Variants in SEPTIN11 observed in about 807,000 individuals in gnomAD.
The protein encoded by SEPTIN11 is septin 11, also known as septin-11.
A neutral mutation model predicts 51.4 loss-of-function variants in SEPTIN11; 25 were observed. The observed-to-expected ratio is 0.49, with a 90% CI of 0.35 to 0.68. The LOEUF is 0.68. Among genes scored for constraint, SEPTIN11 ranks in the 30% least tolerant of loss-of-function variants. The pLI is 0.00. For synonymous variants in SEPTIN11, 174 were observed against 184.1 expected, an observed-to-expected ratio of 0.95 and a Z score of 0.44; for missense variants, 381 against 520.8, an observed-to-expected ratio of 0.73 and a Z score of 2.61.
At chr4:76,998,891 G>T (rs575920353) in intron 2 of SEPTIN11, among the ~76,000 whole-genome samples, 4 of 152,208 alleles carry the variant, frequency 2.6e-5, no homozygotes, top group African/African-American at 9.6e-5. Context: ...GCTCAGCCTG[G>T]GGGGAAGATG....
chr4:77,038,968 C>G, downstream of SEPTIN11: 1 of 733,460 alleles, frequency 1.4e-6, no homozygotes. Flanking sequence ...CATTAACTGA[C>G]ACACTGCTGT....
At position 76,975,646 on chromosome 4, in the gene SEPTIN11, C is replaced by T. The variant is rs550651039; in HGVS notation, c.28-20779C>T. The stretch of plus-strand genomic sequence containing the variant: ...TTCATTCACTCTGATGCAGCGTATT[C>T]TTTTGGTTGAAGTACCTGAAGATCC... On this transcript the variant is annotated intron_variant, in intron 1 of 9. Coordinates refer to ENST00000264893, the MANE Select transcript of SEPTIN11 (RefSeq NM_018243.4). Among the ~76,000 whole-genome samples the T allele has an allele frequency of 1.6e-4, 25 of 152,242 alleles. No individual in the cohort carries two copies. The Middle Eastern group carries it at 0.01, about 62-fold the overall frequency.
At chr4:77,005,864 T>C in intron 3 of SEPTIN11, 68 bp downstream of exon 3, 1 of 1,437,352 alleles carries the variant, frequency 7.0e-7, no homozygotes, top group Non-Finnish European at 9.5e-7. Context: ...CAGGTAAATT[T>C]AAAGGCCAAA....
chr4:76,969,808 A>G (rs1308814273), intron 1 of SEPTIN11, among the ~76,000 whole-genome samples: 1 of 152,214 alleles, frequency 6.6e-6, no homozygotes, highest in Non-Finnish European at 1.5e-5. Flanking sequence ...TGACATTTCT[A>G]GCCCTTTTCT....
rs576305904 is a variant in SEPTIN11 at position 77,012,297 on chromosome 4, C to T, written c.525+376C>T. On this transcript the variant is annotated intron_variant, in intron 4 of 9. Coordinates refer to ENST00000264893, the MANE Select transcript of SEPTIN11 (RefSeq NM_018243.4). Reference sequence around the variant, plus strand: ...GGAATAAAAGGTTAAATTTTTGTCTCTGTGATGATAATGGTCCAGCTTCTT... The same window carrying T: ...GGAATAAAAGGTTAAATTTTTGTCTTTGTGATGATAATGGTCCAGCTTCTT... Among the ~76,000 whole-genome samples the T allele has an allele frequency of 3.9e-5, 6 of 152,082 alleles. No individual in the cohort carries two copies. In the South Asian group the frequency reaches 1.2e-3, roughly 32 times the overall value.
At chr4:76,999,120 G>A (rs544782675) in intron 2 of SEPTIN11, among the ~76,000 whole-genome samples, 14 of 152,200 alleles carry the variant, frequency 9.2e-5, no homozygotes, top group African/African-American at 3.4e-4. Flanking sequence ...GATATCCTTC[G>A]TTGTCAGCAT....
At chr4:77,013,614 T>G (rs964633427) in intron 4 of SEPTIN11, among the ~76,000 whole-genome samples, 1 of 152,212 alleles carries the variant, frequency 6.6e-6, no homozygotes, top group African/African-American at 2.4e-5. Flanking sequence ...AATGATGTTT[T>G]TCTTAGTCTG....
intron 1 of SEPTIN11, among the ~76,000 whole-genome samples, chr4:76,957,186 A>C (rs1198634334): frequency 6.6e-6 from 1 of 151,672 alleles, no homozygotes; most frequent in African/African-American, 2.4e-5. Context: ...GTGGAAGTGT[A>C]CTCTCTGGGA....
chr4:76,953,262 A>C (rs908632945), intron 1 of SEPTIN11, among the ~76,000 whole-genome samples: 1 of 152,214 alleles, frequency 6.6e-6, no homozygotes, highest in Non-Finnish European at 1.5e-5. Flanking sequence ...ATAGCAGTGG[A>C]CAAGTTTTCT....
intron 5 of SEPTIN11, among the ~76,000 whole-genome samples, chr4:77,016,260 T>C (rs1336712773): frequency 3.3e-5 from 5 of 151,714 alleles, no homozygotes; most frequent in African/African-American, 4.8e-5. Flanking sequence ...CTCCCTCATA[T>C]ATGAGGAGAC....
chr4:77,002,798 A>G (rs1049579559), intron 2 of SEPTIN11, among the ~76,000 whole-genome samples: 2 of 151,984 alleles, frequency 1.3e-5, no homozygotes, highest in African/African-American at 4.8e-5. Context: ...TCAGGAAAGT[A>G]AGGAAGACAG....
At chr4:76,968,417 G>T (rs1165961152) in intron 1 of SEPTIN11, among the ~76,000 whole-genome samples, 1 of 152,042 alleles carries the variant, frequency 6.6e-6, no homozygotes, top group Admixed American at 6.6e-5. Context: ...CTGAAACCCA[G>T]CATCCTCCCT....
chr4:76,988,773 T>G (rs1723183849), intron 1 of SEPTIN11, among the ~76,000 whole-genome samples: 1 of 152,264 alleles, frequency 6.6e-6, no homozygotes, highest in African/African-American at 2.4e-5. Context: ...AAGCAGGGCA[T>G]TTGTAAACAG....
At chr4:77,029,428 CTA>C (rs992725619) in intron 8 of SEPTIN11, among the ~76,000 whole-genome samples, 1 of 152,126 alleles carries the variant, frequency 6.6e-6, no homozygotes, top group Non-Finnish European at 1.5e-5. Flanking sequence ...ACCAATGTCT[CTA>C]TATGTTTCTA....
At chr4:77,006,104 G>T (rs1030324374) in intron 3 of SEPTIN11, among the ~76,000 whole-genome samples, 1 of 151,994 alleles carries the variant, frequency 6.6e-6, no homozygotes, top group Non-Finnish European at 1.5e-5. Context: ...TTCCTACCAG[G>T]AAAAGCAATC....
At chr4:77,004,786 A>C (rs570464838) in intron 2 of SEPTIN11, among the ~76,000 whole-genome samples, 1 of 152,274 alleles carries the variant, frequency 6.6e-6, no homozygotes, top group South Asian at 2.1e-4. Context: ...AACATGGTGA[A>C]ACCCCGTCTC....
chr4:77,000,750 A>C (rs1217751823), intron 2 of SEPTIN11, among the ~76,000 whole-genome samples: 1 of 152,152 alleles, frequency 6.6e-6, no homozygotes, highest in Non-Finnish European at 1.5e-5. Context: ...GGCATCCTCT[A>C]AGTCAGTGCA....
At chr4:77,023,625 CAT>C (rs1164982009) in intron 7 of SEPTIN11, among the ~76,000 whole-genome samples, 5 of 152,088 alleles carry the variant, frequency 3.3e-5, no homozygotes, top group African/African-American at 1.2e-4. Context: ...CTTTGAATCA[CAT>C]GTCTTGGTAA....
At chr4:77,027,365 A>C (rs1726238903) in intron 7 of SEPTIN11, among the ~76,000 whole-genome samples, 1 of 152,008 alleles carries the variant, frequency 6.6e-6, no homozygotes, top group Non-Finnish European at 1.5e-5. Flanking sequence ...CGAACTCTTG[A>C]CCTCAGGTGA....
Sources: gnomAD v4.1 joint callset for allele counts (sites outside exome capture counted in the v4.1 genomes callset) on GRCh38, gnomAD v4.1.1 for gene constraint, MANE v1.5 for transcripts, NCBI Gene and HGNC (gene_info 2026-07-23, HGNC 2026-07-21) for gene names.